Variants in SPECC1 observed in about 807,000 individuals in gnomAD.
SPECC1 encodes the protein sperm antigen with calponin homology and coiled-coil domains 1.
A neutral mutation model predicts 104.1 loss-of-function variants in SPECC1; 62 were observed. The ratio of observed to expected loss-of-function variants is 0.60; its 90% CI spans 0.49 to 0.74. The LOEUF is 0.74. SPECC1 is among the 30% of genes least tolerant of loss of function. The pLI is 0.00. For missense variants in SPECC1, 1,306 were observed against 1,310.5 expected (o/e 1.00, Z 0.05); for synonymous variants, 513 against 501.6 (o/e 1.02, Z -0.30).
intron 13 of SPECC1, among the ~76,000 whole-genome samples, chr17:20,304,686 A>G: frequency 6.6e-6 from 1 of 152,258 alleles, no homozygotes; most frequent in Admixed American, 6.5e-5. Context: ...TAGGCAATAG[A>G]ATGGGGGTAA....
intron 3 of SPECC1, among the ~76,000 whole-genome samples, chr17:20,177,126 A>G (rs2034525689): frequency 6.6e-6 from 1 of 152,214 alleles, no homozygotes; most frequent in Non-Finnish European, 1.5e-5. Context: ...GAAGTTTGGA[A>G]GGCTTTTAGG....
chr17:20,261,375 G>A (rs559010667), intron 12 of SPECC1, among the ~76,000 whole-genome samples: 1 of 151,614 alleles, frequency 6.6e-6, no homozygotes, highest in Non-Finnish European at 1.5e-5. Context: ...GGTGGCGGGC[G>A]CCTGTAGTCA....
chr17:20,079,394 T>G (rs2046881280), intron 1 of SPECC1, among the ~76,000 whole-genome samples: 1 of 152,088 alleles, frequency 6.6e-6, no homozygotes, highest in Admixed American at 6.6e-5. Flanking sequence ...CAACCTCCTG[T>G]GCTCAAGAGA....
rs1469041981 is a variant in SPECC1, at chr17:20,205,639, T to C, written c.1590T>C (p.Asn530=). 1.2e-6 allele frequency: 2 copies of C among 1,614,008 alleles called. No individual in the cohort carries two copies. Among genetic ancestry groups the C allele is most frequent in the Non-Finnish European group, 8.5e-7 (1 of 1,180,022 alleles). Residue 530 remains asparagine (N), a synonymous_variant, in exon 4 of 15, where the codon AAT becomes AAC. Coordinates refer to ENST00000395527, the MANE Select transcript of SPECC1 (RefSeq NM_001243439.2). ...TTCTAGAACTGGAACGGCATAATAA[T>C]AACATGATGGCCAAAACTTTGGAAG... ...NEFLELERHN[N]NMMAKTLEEC...
At chr17:20,194,502 A>ATTATTATTATTTTTTTTTTT in intron 3 of SPECC1, among the ~76,000 whole-genome samples, 22 of 86,532 alleles carry the variant, frequency 2.5e-4, no homozygotes, top group Admixed American at 1.6e-3. Context: ...AAGAGAACGA[A>ATTATTATTATTTTTTTTTTT]TTTTTTTTTT....
intron 5 of SPECC1, among the ~76,000 whole-genome samples, chr17:20,229,596 C>T (rs2038447185): frequency 6.6e-6 from 1 of 152,166 alleles, no homozygotes. Flanking sequence ...ATCCCTTGAG[C>T]CTGAAAGGCT....
At chr17:20,214,037 C>T (rs1340218541) in intron 4 of SPECC1, among the ~76,000 whole-genome samples, 1 of 152,156 alleles carries the variant, frequency 6.6e-6, no homozygotes, top group Non-Finnish European at 1.5e-5. Context: ...CAGCAGTCAC[C>T]CTCCAAGACC....
intron 12 of SPECC1, among the ~76,000 whole-genome samples, chr17:20,288,828 G>C (rs1314501661): frequency 7.1e-6 from 1 of 141,200 alleles, no homozygotes; most frequent in African/African-American, 2.7e-5. Context: ...CTGTTGCCCA[G>C]GCTGGAGTGC....
chr17:20,240,577 T>C (rs2039158257), intron 7 of SPECC1, among the ~76,000 whole-genome samples: 1 of 152,142 alleles, frequency 6.6e-6, no homozygotes, highest in Admixed American at 6.5e-5. Flanking sequence ...CCACCTCTCT[T>C]TATTTAATCT....
chr17:20,145,502 G>A (rs1039078898), intron 3 of SPECC1, among the ~76,000 whole-genome samples: 3 of 152,088 alleles, frequency 2.0e-5, no homozygotes, highest in East Asian at 1.9e-4. Context: ...TCGTCATCAC[G>A]AGATAACTAC....
At chr17:20,093,534 G>C (rs932051815) in intron 1 of SPECC1, among the ~76,000 whole-genome samples, 4 of 152,056 alleles carry the variant, frequency 2.6e-5, no homozygotes, top group African/African-American at 9.7e-5. Context: ...AAATGAACTG[G>C]CTTCAGAGAG....
intron 3 of SPECC1, among the ~76,000 whole-genome samples, chr17:20,156,625 C>G (rs111523121): frequency 6.6e-6 from 1 of 152,062 alleles, no homozygotes; most frequent in African/African-American, 2.4e-5. Flanking sequence ...GCCGCCGGCC[C>G]CGCAGTTTGT....
chr17:20,155,355 G>C (rs2032368418), intron 3 of SPECC1: 1 of 152,204 alleles, frequency 6.6e-6, no homozygotes, highest in Admixed American at 6.5e-5. Flanking sequence ...GATAGAACCA[G>C]TCATACCACT....
At chr17:20,298,554 G>A (rs372648461) in intron 13 of SPECC1, among the ~76,000 whole-genome samples, 5 of 152,244 alleles carry the variant, frequency 3.3e-5, no homozygotes, top group African/African-American at 9.6e-5. Flanking sequence ...AGTCTGGGGC[G>A]GGAGAGGCGA....
rs186229841 is a variant in SPECC1, at chr17:20,080,068, C to T, written c.-21-16563C>T. Among the ~76,000 whole-genome samples the T allele has an allele frequency of 2.1e-3, 313 of 152,272 alleles. 3 individuals carry two copies. The highest frequency in any genetic ancestry group is 0.01 in the Middle Eastern group (3 of 292). On this transcript the variant is annotated intron_variant, in intron 1 of 14. Transcript: ENST00000395527. ...CAACTACCATTACTTATTACAGTTCCTAAAACTGACTTAACATTATTAATG... is the reference window on the plus strand; with the variant it reads ...CAACTACCATTACTTATTACAGTTCTTAAAACTGACTTAACATTATTAATG...
intron 12 of SPECC1, among the ~76,000 whole-genome samples, chr17:20,264,402 T>C (rs1039584399): frequency 6.6e-6 from 1 of 150,624 alleles, no homozygotes; most frequent in Non-Finnish European, 1.5e-5. Flanking sequence ...TCCTCCCTTG[T>C]CTAGTAGTCC....
At chr17:20,275,590 T>A (rs566033714) in intron 12 of SPECC1, among the ~76,000 whole-genome samples, 1 of 152,340 alleles carries the variant, frequency 6.6e-6, no homozygotes, top group Admixed American at 6.5e-5. Flanking sequence ...GGGAAACCTT[T>A]CATTTAAGCT....
At chr17:20,078,986 T>G (rs2046867979) in intron 1 of SPECC1, among the ~76,000 whole-genome samples, 1 of 152,234 alleles carries the variant, frequency 6.6e-6, no homozygotes. Flanking sequence ...AGAAGATTCT[T>G]GGGAGCAGGA....
At chr17:20,039,310 T>G (rs1266694679) in intron 1 of SPECC1, among the ~76,000 whole-genome samples, 2 of 152,176 alleles carry the variant, frequency 1.3e-5, no homozygotes, top group African/African-American at 4.8e-5. Flanking sequence ...CCATGCTGAT[T>G]TTTTTGTCTA....
Sources: allele counts gnomAD v4.1 joint callset (sites outside exome capture counted in the v4.1 genomes callset), GRCh38; gene constraint gnomAD v4.1.1; transcripts MANE v1.5; gene names NCBI Gene and HGNC (gene_info 2026-07-23, HGNC 2026-07-21).